The following PPFIBP1 variants were observed in gnomAD, a reference collection of about 807,000 sequenced individuals.
The protein encoded by PPFIBP1 is liprin-beta-1.
PPFIBP1 carries 112 observed loss-of-function variants against 137.8 expected under a neutral mutation model. The observed-to-expected ratio is 0.81, with a 90% CI of 0.70 to 0.95. The LOEUF is 0.95. PPFIBP1 is among the 40% of genes least tolerant of loss of function. The pLI is 0.00. For missense variants in PPFIBP1, 1,083 were observed against 1,196.6 expected, an observed-to-expected ratio of 0.91 and a Z score of 1.40; for synonymous variants, 378 against 417.3, an observed-to-expected ratio of 0.91 and a Z score of 1.15.
intron 27 of PPFIBP1, among the ~76,000 whole-genome samples, chr12:27,691,545 G>A (rs2061544634): frequency 6.6e-6 from 1 of 152,124 alleles, no homozygotes. Context: ...ATTTATCATT[G>A]CATCATTTAT....
intron 29 of PPFIBP1, 48 bp from the exon 30 acceptor site, chr12:27,692,748 T>G: frequency 6.2e-7 from 1 of 1,614,024 alleles, no homozygotes; most frequent in Non-Finnish European, 8.5e-7. Context: ...AATGTGTAGC[T>G]CTGAGCTCTT....
Position 27,582,775 on chromosome 12 carries a change from T to C in PPFIBP1, c.-36+4536T>C, listed in dbSNP as rs545784054. 5.3e-5 allele frequency among the ~76,000 whole-genome samples: 8 copies of C among 152,336 alleles called. 1 individual carries two copies. The highest frequency in any genetic ancestry group is 1.9e-4 in the African/African-American group (8 of 41,572). On this transcript the variant is annotated intron_variant, in intron 2 of 29. Transcript: ENST00000228425. ...ACATGTGCGATCACTGTAGAAATTA[T>C]AGCAGCTTTCCGATTGAAATAGCCC...
chr12:27,560,451 GGACA>G (rs1329312848), intron 1 of PPFIBP1, among the ~76,000 whole-genome samples: 1 of 152,196 alleles, frequency 6.6e-6, no homozygotes, highest in East Asian at 1.9e-4. Context: ...GACTTGTTGA[GGACA>G]GACTGAAGAG....
intron 1 of PPFIBP1, among the ~76,000 whole-genome samples, chr12:27,525,773 A>G (rs191801498): frequency 6.6e-6 from 1 of 152,308 alleles, no homozygotes; most frequent in African/African-American, 2.4e-5. Flanking sequence ...AGGACTATAG[A>G]TGGGGTTCTC....
At chr12:27,623,811 T>C (rs1714596054) in intron 2 of PPFIBP1, among the ~76,000 whole-genome samples, 1 of 152,118 alleles carries the variant, frequency 6.6e-6, no homozygotes, top group Admixed American at 6.5e-5. Flanking sequence ...ACAGGGCATA[T>C]GGGAGCCAGG....
chr12:27,536,395 G>T (rs544942072), intron 1 of PPFIBP1, among the ~76,000 whole-genome samples: 1 of 152,220 alleles, frequency 6.6e-6, no homozygotes, highest in African/African-American at 2.4e-5. Flanking sequence ...GCCAGCATCT[G>T]CTTCTGGCGA....
chr12:27,589,029 C>G (rs1238528589), intron 2 of PPFIBP1, among the ~76,000 whole-genome samples: 1 of 152,018 alleles, frequency 6.6e-6, no homozygotes, highest in Non-Finnish European at 1.5e-5. Context: ...CAGCGTTGTT[C>G]TATTTGTTTG....
intron 2 of PPFIBP1, among the ~76,000 whole-genome samples, chr12:27,616,786 T>C (rs753107074): frequency 9.2e-5 from 14 of 152,170 alleles, no homozygotes; most frequent in African/African-American, 1.9e-4. Context: ...TTCCCCAGGA[T>C]TGGCTTTGAG....
chr12:27,531,576 T>A (rs1391487842), intron 1 of PPFIBP1, among the ~76,000 whole-genome samples: 1 of 152,154 alleles, frequency 6.6e-6, no homozygotes, highest in African/African-American at 2.4e-5. Context: ...GTGCTGGGAT[T>A]ACAGGCATGA....
chr12:27,650,268 T>G (rs2058795998), intron 7 of PPFIBP1, 127 bp downstream of exon 7: 4 of 641,078 alleles, frequency 6.2e-6, no homozygotes, highest in African/African-American at 3.8e-5. Context: ...AGTTAATTAC[T>G]ACGTACCATC....
chr12:27,629,669 A>G (rs2057123901), intron 2 of PPFIBP1, among the ~76,000 whole-genome samples: 1 of 152,218 alleles, frequency 6.6e-6, no homozygotes, highest in Admixed American at 6.5e-5. Flanking sequence ...TGAGGACTTA[A>G]GAAAGTCTTT....
intron 15 of PPFIBP1, 30 bp from the exon 16 acceptor site, chr12:27,673,737 A>C (rs1357774004): frequency 6.3e-7 from 1 of 1,592,614 alleles, no homozygotes; most frequent in East Asian, 2.2e-5. Context: ...GGAGCCACTT[A>C]TTATTAATTG....
At chr12:27,585,517 C>T (rs1240312703) in intron 2 of PPFIBP1, among the ~76,000 whole-genome samples, 1 of 152,156 alleles carries the variant, frequency 6.6e-6, no homozygotes, top group Non-Finnish European at 1.5e-5. Context: ...GTTCATTTTA[C>T]GAATTATTTA....
At chr12:27,598,936 A>G (rs115501662) in intron 2 of PPFIBP1, among the ~76,000 whole-genome samples, 139 of 152,336 alleles carry the variant, frequency 9.1e-4, no homozygotes, top group African/African-American at 3.1e-3. Flanking sequence ...CAACTGTAAT[A>G]AAGCTTCTTG....
intron 1 of PPFIBP1, among the ~76,000 whole-genome samples, chr12:27,561,812 C>G (rs1398776424): frequency 1.1e-4 from 16 of 152,138 alleles, no homozygotes; most frequent in Admixed American, 9.8e-4. Flanking sequence ...TCCTTCACAG[C>G]CTTCCCTGGC....
intron 2 of PPFIBP1, among the ~76,000 whole-genome samples, chr12:27,596,110 A>ACACACG (rs1565839006): frequency 6.1e-5 from 2 of 32,696 alleles, no homozygotes; most frequent in East Asian, 3.2e-4. Flanking sequence ...ACACACACAT[A>ACACACG]TGCTTACAAA....
rs1337023973 is a variant in PPFIBP1, at chr12:27,662,596, A to G, written c.906+1651A>G. 2.0e-5 allele frequency among the ~76,000 whole-genome samples: 3 copies of G among 152,166 alleles called. No homozygotes were observed. The East Asian group carries it at 5.8e-4, about 29-fold the overall frequency. ...GATTTAAGATCTCTGGATTTGAAAAACGAGAGAAAATTTCTGGTTTGGGCA... is the reference window on the plus strand; with the variant it reads ...GATTTAAGATCTCTGGATTTGAAAAGCGAGAGAAAATTTCTGGTTTGGGCA... On this transcript the variant is annotated intron_variant, in intron 11 of 29. Coordinates refer to ENST00000228425, the MANE Select transcript of PPFIBP1 (RefSeq NM_003622.4).
chr12:27,633,423 G>A lies in PPFIBP1; in HGVS notation c.27G>A (p.Leu9=), dbSNP rs2057398081. The A allele has an allele frequency of 6.2e-7, 1 of 1,613,318 alleles. No individual in the cohort carries two copies. Among genetic ancestry groups the A allele is most frequent in the African/African-American group, 1.3e-5 (1 of 74,858 alleles). The change falls in exon 3 of 30, where the codon TTG becomes TTA. Residue 9 remains leucine, a synonymous_variant. Transcript: ENST00000228425. MMSDASDM[L]AAALEQMDGI... ...TGATGAGTGATGCAAGTGACATGTT[G>A]GCTGCAGCGTTGGAGCAGATGGATG...
At chr12:27,662,070 T>TA (rs142946389) in intron 11 of PPFIBP1, among the ~76,000 whole-genome samples, 4,500 of 152,200 alleles carry the variant, frequency 0.03, 223 homozygotes, top group African/African-American at 0.1. Context: ...CTCAAACTGT[T>TA]AGAGGGGCAC....
Sources: allele counts gnomAD v4.1 joint callset (sites outside exome capture counted in the v4.1 genomes callset), GRCh38; gene constraint gnomAD v4.1.1; transcripts MANE v1.5; gene names NCBI Gene and HGNC (gene_info 2026-07-23, HGNC 2026-07-21).